The following PAK5 variants were observed in gnomAD, a reference collection of about 807,000 sequenced individuals.
PAK5 encodes p21 (RAC1) activated kinase 5.
PAK5 carries 16 observed loss-of-function variants against 65.9 expected under a neutral mutation model. The ratio of observed to expected loss-of-function variants is 0.24; its 90% confidence interval spans 0.16 to 0.37. PAK5 has a LOEUF of 0.37. Ranked by LOEUF, PAK5 falls within the 10% of genes least tolerant of loss-of-function variation. The pLI is 1.00. For missense variants in PAK5, 785 were observed against 903.9 expected, an observed-to-expected ratio of 0.87 and a Z score of 1.69; for synonymous variants, 371 against 354.9, an observed-to-expected ratio of 1.05 and a Z score of -0.51.
intron 3 of PAK5, among the ~76,000 whole-genome samples, chr20:9,628,233 T>A (rs1286252604): frequency 6.6e-6 from 1 of 152,206 alleles, no homozygotes; most frequent in African/African-American, 2.4e-5. Context: ...TATCCACTTC[T>A]AACAGATGAG....
At chr20:9,729,395 T>C (rs2048311104) in intron 1 of PAK5, among the ~76,000 whole-genome samples, 1 of 152,178 alleles carries the variant, frequency 6.6e-6, no homozygotes, top group Admixed American at 6.5e-5. Context: ...TGAAAGTTGG[T>C]ACCTTTGATT....
intron 2 of PAK5, among the ~76,000 whole-genome samples, chr20:9,698,190 CA>C (rs1470412269): frequency 1.3e-5 from 2 of 152,212 alleles, no homozygotes; most frequent in African/African-American, 4.8e-5. Flanking sequence ...TATAACCCCT[CA>C]ACTATATACT....
chr20:9,799,215 A>G lies in PAK5; in HGVS notation c.-162+39547T>C, dbSNP rs375150542. Among the ~76,000 whole-genome samples, 10 of 152,294 alleles carry G rather than the reference A, an allele frequency of 6.6e-5. 1 individual carries two copies. The highest frequency in any genetic ancestry group is 5.8e-4 in the East Asian group (3 of 5,184). ...AATACATATTGCACAATGGCCTTCCAAACACTTTACAAAGTCATCCATAGG... is the reference window on the plus strand; with the variant it reads ...AATACATATTGCACAATGGCCTTCCGAACACTTTACAAAGTCATCCATAGG... On this transcript the variant is annotated intron_variant, in intron 1 of 9. Coordinates refer to ENST00000353224, the MANE Select transcript of PAK5 (RefSeq NM_177990.4).
At chr20:9,652,477 A>C (rs2047214831) in intron 2 of PAK5, among the ~76,000 whole-genome samples, 2 of 152,224 alleles carry the variant, frequency 1.3e-5, no homozygotes, top group Non-Finnish European at 1.5e-5. Context: ...TAAATGACAT[A>C]GTTTCCTTTC....
chr20:9,720,524 T>C (rs528406393), intron 1 of PAK5, among the ~76,000 whole-genome samples: 1 of 152,290 alleles, frequency 6.6e-6, no homozygotes, highest in East Asian at 1.9e-4. Flanking sequence ...TATTGCCTTT[T>C]AAAAATAATC....
chr20:9,694,317 T>C (rs2047838881), intron 2 of PAK5, among the ~76,000 whole-genome samples: 1 of 30,972 alleles, frequency 3.2e-5, no homozygotes, highest in Non-Finnish European at 4.9e-5. Flanking sequence ...TGTGTGTGTG[T>C]GTTTGTGTGT....
chr20:9,835,006 A>G (rs186087976), intron 1 of PAK5, among the ~76,000 whole-genome samples: 112 of 152,328 alleles, frequency 7.4e-4, no homozygotes, highest in African/African-American at 1.1e-3. Flanking sequence ...TCTAGCCTAA[A>G]TCAGTTCTTA....
intron 1 of PAK5, among the ~76,000 whole-genome samples, chr20:9,802,467 A>G (rs1021915128): frequency 7.2e-5 from 11 of 152,148 alleles, no homozygotes; most frequent in African/African-American, 2.4e-4. Flanking sequence ...CATTGAAAGC[A>G]TCTTAAAGGG....
intron 1 of PAK5, among the ~76,000 whole-genome samples, chr20:9,714,009 T>C (rs1341215660): frequency 6.6e-6 from 1 of 152,086 alleles, no homozygotes; most frequent in African/African-American, 2.4e-5. Context: ...AAGAGAAGAA[T>C]TGTAATGTTC....
At chr20:9,569,013 C>A (rs944110155) in intron 4 of PAK5, among the ~76,000 whole-genome samples, 3 of 152,148 alleles carry the variant, frequency 2.0e-5, no homozygotes, top group African/African-American at 4.8e-5. Flanking sequence ...TGTTTGAAAC[C>A]TTGACTGCAA....
chr20:9,616,811 G>A (rs2046666312), intron 3 of PAK5, among the ~76,000 whole-genome samples: 1 of 152,212 alleles, frequency 6.6e-6, no homozygotes, highest in Non-Finnish European at 1.5e-5. Flanking sequence ...TCCAGGGGTG[G>A]GTAGTGGGTG....
At chr20:9,547,032 G>T (rs1328454100) in intron 7 of PAK5, among the ~76,000 whole-genome samples, 1 of 152,136 alleles carries the variant, frequency 6.6e-6, no homozygotes, top group Non-Finnish European at 1.5e-5. Context: ...ATTAGTGAAG[G>T]TGAGGTCATA....
At chr20:9,689,050 A>G (rs2047757497) in intron 2 of PAK5, among the ~76,000 whole-genome samples, 1 of 152,192 alleles carries the variant, frequency 6.6e-6, no homozygotes, top group African/African-American at 2.4e-5. Flanking sequence ...CTTCGTTTAT[A>G]TAAGAGAAGT....
intron 3 of PAK5, among the ~76,000 whole-genome samples, chr20:9,620,651 G>T (rs886415157): frequency 1.3e-5 from 2 of 152,144 alleles, no homozygotes; most frequent in Non-Finnish European, 2.9e-5. Context: ...ACCCAAGACC[G>T]TGAACTATGG....
At chr20:9,551,766 C>T (rs1402596852) in intron 7 of PAK5, among the ~76,000 whole-genome samples, 4 of 152,192 alleles carry the variant, frequency 2.6e-5, no homozygotes, top group African/African-American at 9.7e-5. Flanking sequence ...GTTAGAAATG[C>T]AGCTTCCTGG....
rs764930978 is a variant in PAK5 at position 9,621,775 on chromosome 20, C to T, written c.204+22350G>A. Among the ~76,000 whole-genome samples the T allele has an allele frequency of 7.9e-5, 12 of 152,276 alleles. No homozygotes were observed. In the South Asian group the frequency reaches 8.3e-4, roughly 11 times the overall value. On this transcript the variant is annotated intron_variant, in intron 3 of 9. Transcript: ENST00000353224. ...AGAGAGTGCTCACAGCCTCATGCAG[C>T]GGGGCCTGCGGTGTTATGCCTTTCT...
intron 3 of PAK5, among the ~76,000 whole-genome samples, chr20:9,628,485 G>A (rs1243395062): frequency 6.6e-6 from 1 of 152,186 alleles, no homozygotes; most frequent in Non-Finnish European, 1.5e-5. Flanking sequence ...TTTGTAGGAA[G>A]TATAGTCATT....
intron 3 of PAK5, among the ~76,000 whole-genome samples, chr20:9,608,120 A>T (rs1252707651): frequency 6.6e-6 from 1 of 152,160 alleles, no homozygotes; most frequent in Non-Finnish European, 1.5e-5. Context: ...ACCATTCATA[A>T]GGGCTCTGCC....
At chr20:9,713,490 C>T (rs1569054423) in intron 1 of PAK5, among the ~76,000 whole-genome samples, 1 of 152,008 alleles carries the variant, frequency 6.6e-6, no homozygotes. Flanking sequence ...AACTACCATA[C>T]AATCCAGCAA....
Sources: gnomAD v4.1 joint callset for allele counts (sites outside exome capture counted in the v4.1 genomes callset) on GRCh38, gnomAD v4.1.1 for gene constraint, MANE v1.5 for transcripts, NCBI Gene and HGNC (gene_info 2026-07-23, HGNC 2026-07-21) for gene names.